The following PDE1C variants were observed in gnomAD, a reference collection of about 807,000 sequenced individuals.
PDE1C encodes phosphodiesterase 1C.
A neutral mutation model predicts 93.1 loss-of-function variants in PDE1C; 62 were observed. The ratio of observed to expected loss-of-function variants is 0.67; its 90% CI spans 0.54 to 0.82. PDE1C has a LOEUF of 0.82. Among genes scored for constraint, PDE1C ranks in the 40% least tolerant of loss-of-function variants. The pLI, the probability that PDE1C is intolerant of heterozygous loss-of-function variation, is 0.00. For missense variants in PDE1C, 742 were observed against 884.6 expected (o/e 0.84, Z 2.04); for synonymous variants, 325 against 310.1 (o/e 1.05, Z -0.50).
intron 1 of PDE1C, among the ~76,000 whole-genome samples, chr7:32,388,370 G>A (rs961339077): frequency 6.6e-6 from 1 of 152,154 alleles, no homozygotes; most frequent in African/African-American, 2.4e-5. Context: ...ATCCCTAGAA[G>A]TTTAGGGACT....
the PDE1C span, among the ~76,000 whole-genome samples, chr7:31,700,692 C>T: frequency 6.6e-6 from 1 of 152,108 alleles, no homozygotes; most frequent in African/African-American, 2.4e-5. Flanking sequence ...AAAGGACAGG[C>T]CAACTCTCTT....
chr7:31,682,486 A>G, the PDE1C span, among the ~76,000 whole-genome samples: 1 of 152,326 alleles, frequency 6.6e-6, no homozygotes, highest in South Asian at 2.1e-4. Context: ...AGAGCTGGTG[A>G]GGATGCAAAG....
intron 17 of PDE1C, among the ~76,000 whole-genome samples, chr7:31,763,207 G>T (rs1044262270): frequency 5.3e-5 from 8 of 152,182 alleles, no homozygotes; most frequent in Non-Finnish European, 1.0e-4. Context: ...CGGCCAACCT[G>T]CTCCCTGTTC....
the PDE1C span, among the ~76,000 whole-genome samples, chr7:31,677,480 A>G: frequency 6.6e-6 from 1 of 152,210 alleles, no homozygotes; most frequent in Non-Finnish European, 1.5e-5. Context: ...AGACATATAA[A>G]GTGTGTTGAA....
At chr7:31,800,203 C>T (rs1242860516) in intron 16 of PDE1C, among the ~76,000 whole-genome samples, 1 of 151,460 alleles carries the variant, frequency 6.6e-6, no homozygotes, top group African/African-American at 2.4e-5. Context: ...AATATCCCCC[C>T]AGAATGTGAA....
At chr7:31,766,074 T>A (rs111754864) in intron 17 of PDE1C, among the ~76,000 whole-genome samples, 122 of 152,294 alleles carry the variant, frequency 8.0e-4, no homozygotes, top group African/African-American at 2.9e-3. Context: ...TTTGTAGATA[T>A]GCAATAAATG....
chr7:31,930,174 A>C (rs989018141), intron 2 of PDE1C, among the ~76,000 whole-genome samples: 2 of 152,206 alleles, frequency 1.3e-5, no homozygotes, highest in African/African-American at 4.8e-5. Context: ...AGAAATGGAT[A>C]AATTCCTGGA....
chr7:31,679,819 G>A, the PDE1C span, among the ~76,000 whole-genome samples: 1 of 152,206 alleles, frequency 6.6e-6, no homozygotes, highest in African/African-American at 2.4e-5. Flanking sequence ...ATGTTTGACA[G>A]GCTTTGGCGA....
intron 1 of PDE1C, among the ~76,000 whole-genome samples, chr7:32,425,443 C>A (rs943379268): frequency 2.0e-4 from 30 of 152,048 alleles, no homozygotes; most frequent in African/African-American, 6.8e-4. Context: ...TGATATAAAA[C>A]TCAGAATGTA....
the PDE1C span, among the ~76,000 whole-genome samples, chr7:31,644,823 G>A: frequency 6.6e-6 from 1 of 152,204 alleles, no homozygotes; most frequent in Non-Finnish European, 1.5e-5. Context: ...GAAGGGGCTG[G>A]CACAGAGAAT....
intron 2 of PDE1C, among the ~76,000 whole-genome samples, chr7:31,980,219 A>G (rs750565367): frequency 6.6e-6 from 1 of 152,226 alleles, no homozygotes; most frequent in African/African-American, 2.4e-5. Flanking sequence ...TTACAAGGTT[A>G]CAGGCAAGCC....
chr7:32,228,841 C>A (rs2128860478), intron 1 of PDE1C, among the ~76,000 whole-genome samples: 1 of 152,346 alleles, frequency 6.6e-6, no homozygotes, highest in African/African-American at 2.4e-5. Flanking sequence ...CTAGCCCCAG[C>A]TCTCCTGGGC....
the PDE1C span, among the ~76,000 whole-genome samples, chr7:31,740,334 C>G: frequency 1.3e-5 from 2 of 152,154 alleles, no homozygotes; most frequent in African/African-American, 4.8e-5. Context: ...CAGTGAATGA[C>G]TAACATACAT....
intron 3 of PDE1C, among the ~76,000 whole-genome samples, chr7:32,127,171 C>A (rs1799635095): frequency 6.6e-6 from 1 of 152,158 alleles, no homozygotes; most frequent in African/African-American, 2.4e-5. Context: ...CTTTAGCCTG[C>A]CAGCCTTCAG....
intron 2 of PDE1C, among the ~76,000 whole-genome samples, chr7:31,980,819 T>C (rs534382612): frequency 6.6e-6 from 1 of 152,330 alleles, no homozygotes; most frequent in Non-Finnish European, 1.5e-5. Flanking sequence ...CCTGGGCTTG[T>C]GGCCCCTTCT....
intron 6 of PDE1C, among the ~76,000 whole-genome samples, chr7:31,866,592 G>A (rs1257433113): frequency 1.3e-5 from 2 of 152,168 alleles, no homozygotes; most frequent in Non-Finnish European, 2.9e-5. Context: ...CTCAGTGGGA[G>A]GGGCTTCAAG....
intron 11 of PDE1C, among the ~76,000 whole-genome samples, chr7:31,831,819 A>G (rs80339400): frequency 0.012 from 1,752 of 152,198 alleles, 15 homozygotes; most frequent in Non-Finnish European, 0.019. Flanking sequence ...ATAAAAGAAA[A>G]AGAGCAAAGG....
At chr7:32,139,015 G>A (rs1019664656) in intron 3 of PDE1C, among the ~76,000 whole-genome samples, 6 of 152,128 alleles carry the variant, frequency 3.9e-5, no homozygotes, top group Admixed American at 3.9e-4. Context: ...CTAGTGTAAT[G>A]GAGGAACTCA....
At chr7:31,658,202 C>T in the PDE1C span, 3 of 1,368,918 alleles carry the variant, frequency 2.2e-6, no homozygotes, top group Admixed American at 5.5e-5. Context: ...GTTTTTTAGC[C>T]CACAGAAGAA....
Sources: allele counts gnomAD v4.1 joint callset (sites outside exome capture counted in the v4.1 genomes callset), GRCh38; gene constraint gnomAD v4.1.1; transcripts MANE v1.5; gene names NCBI Gene and HGNC (gene_info 2026-07-23, HGNC 2026-07-21).